U2AF2: variants seen among roughly 807,000 people sequenced by gnomAD.
U2AF2 encodes splicing factor U2AF 65 kDa subunit.
In U2AF2, 6 loss-of-function variants were observed where a neutral mutation model predicts 52.6. That is an observed-to-expected ratio of 0.11 (90% confidence interval 0.06 to 0.23). The LOEUF (loss-of-function observed/expected upper bound fraction) is 0.23. U2AF2 is among the 10% of genes least tolerant of loss of function. The pLI is 1.00. For missense variants in U2AF2, 222 were observed against 677.1 expected (o/e 0.33, Z 7.46); for synonymous variants, 284 against 258.2 (o/e 1.10, Z -0.96).
chr19:55,655,286 C>G (rs947537321), intron 1 of U2AF2, 133 bp downstream of exon 1: 80 of 997,640 alleles, frequency 8.0e-5, no homozygotes, highest in Non-Finnish European at 1.0e-4. Context: ...TTCCGTGGCG[C>G]GCGCCTCGTT....
rs754093734 is a variant in U2AF2 at position 55,668,598 on chromosome 19, G to C, written c.822+12G>C. ...TGAACGATGACCAGGTAACTTCCCT[G>C]CCTCCCTCCAGACCCGTCCCCCCAC... On this transcript the variant is annotated intron_variant, in intron 8 of 11. Transcript: ENST00000308924. The surrounding 1 kb of genome is among the most constrained non-coding windows in gnomAD (Gnocchi z 5.5). 2 of 1,604,584 alleles carry C rather than the reference G, an allele frequency of 1.2e-6. No homozygotes were observed. Among genetic ancestry groups the C allele is most frequent in the Non-Finnish European group, 1.7e-6 (2 of 1,174,474 alleles).
At chr19:55,669,344 T>C (rs936688467) in intron 10 of U2AF2, 100 bp from the exon 11 acceptor site, 4 of 1,542,616 alleles carry the variant, frequency 2.6e-6, no homozygotes, top group Non-Finnish European at 3.5e-6. Flanking sequence ...AGTGGAGAGA[T>C]GGCCTTTCCC....
chr19:55,657,291 C>T (rs1227789674), intron 1 of U2AF2, among the ~76,000 whole-genome samples: 2 of 152,200 alleles, frequency 1.3e-5, no homozygotes, highest in African/African-American at 2.4e-5. Context: ...TTTTACCTGT[C>T]CAGCATCAGT....
Position 55,659,361 on chromosome 19 carries a change from G to GA in U2AF2, c.185+17dup, listed in dbSNP as rs758404564. On this transcript the variant is annotated intron_variant, in intron 2 of 11. Coordinates refer to ENST00000308924, the MANE Select transcript of U2AF2 (RefSeq NM_007279.3). ...GACGACGCAGGTACTAGGGCTCAGG[G>GA]ATCCCCTGGGCCAGCCTGGGAGTCG... 4.1e-6 allele frequency: 6 copies of GA among 1,480,308 alleles called. No homozygotes were observed. The highest frequency in any genetic ancestry group is 1.3e-5 in the South Asian group (1 of 76,738). 91.7% of individuals were successfully genotyped at this position (1,480,308 alleles called of 1,614,324 possible).
chr19:55,668,632 A>G lies in U2AF2; in HGVS notation c.823-38A>G, dbSNP rs768329713. 8 of 875,064 alleles carry G rather than the reference A, an allele frequency of 9.1e-6. No individual in the cohort carries two copies. The Admixed American group carries it at 2.0e-4, about 22-fold the overall frequency. 54.2% of individuals were successfully genotyped at this position (875,064 alleles called of 1,614,324 possible). On this transcript the variant is annotated intron_variant, in intron 8 of 11. Coordinates refer to ENST00000308924, the MANE Select transcript of U2AF2 (RefSeq NM_007279.3). This position sits in a 1 kb window ranked among gnomAD's most constrained non-coding sequence, Gnocchi z 5.5. ...CAGACCCGTCCCCCCACCCCGCCCC[A>G]CCTCATCCCAGCCCTGATGGACTCT...
At chr19:55,660,927 G>C in intron 4 of U2AF2, 111 bp from the exon 5 acceptor site, 1 of 1,474,868 alleles carries the variant, frequency 6.8e-7, no homozygotes, top group Non-Finnish European at 9.0e-7. Context: ...TGCTAAGACC[G>C]AGAGCCTGTA....
chr19:55,663,564 C>T (rs370231212), intron 6 of U2AF2, 42 bp from the exon 7 acceptor site: 4 of 1,603,956 alleles, frequency 2.5e-6, no homozygotes, highest in African/African-American at 2.7e-5. Context: ...CTGTACTAGT[C>T]CCTGACCCCC....
chr19:55,659,090 A>G (rs1221716889), intron 1 of U2AF2, 120 bp from the exon 2 acceptor site: 2 of 1,345,688 alleles, frequency 1.5e-6, no homozygotes, highest in East Asian at 5.9e-5. Flanking sequence ...CCTCCATTGA[A>G]TCCCTTCCCT....
intron 1 of U2AF2, chr19:55,658,975 T>G: frequency 2.0e-6 from 1 of 490,216 alleles, no homozygotes; most frequent in Non-Finnish European, 3.2e-6. Context: ...CTCCTGAGCA[T>G]CCTCAGGTAT....
At position 55,660,578 on chromosome 19, in the gene U2AF2, G is replaced by C. The variant is rs1568549613; in HGVS notation, c.293G>C (p.Gly98Ala). The C allele has an allele frequency of 6.3e-7, 1 of 1,597,862 alleles. No homozygotes were observed. The highest frequency in any genetic ancestry group is 8.5e-7 in the Non-Finnish European group (1 of 1,170,830). ...AAATACTGGGACGTGCCACCCCCAGGCTTTGAGCACATCACCCCAATGCAG... is the reference window on the plus strand; with the variant it reads ...AAATACTGGGACGTGCCACCCCCAGCCTTTGAGCACATCACCCCAATGCAG... ...VRKYWDVPPP[G>A]FEHITPMQYK... is the part of the protein sequence containing the mutation. The change falls in exon 4 of 12, where the codon GGC becomes GCC. Residue 98 changes from glycine to alanine, a missense_variant. Coordinates refer to ENST00000308924, the MANE Select transcript of U2AF2 (RefSeq NM_007279.3).
intron 3 of U2AF2, 114 bp from the exon 4 acceptor site, chr19:55,660,402 T>A: frequency 9.2e-7 from 1 of 1,092,130 alleles, no homozygotes; most frequent in South Asian, 1.5e-5. Context: ...CTGGAGAGAG[T>A]GGAGCTTACA....
In U2AF2 at chr19:55,669,642, A is replaced by G. The variant is rs1297769347; in HGVS notation, c.1243A>G (p.Ile415Val). ...CAGCAAGTACGGGCTTGTCAAGTCC[A>G]TCGAGATCCCCCGGCCTGTGGACGG... ...ECSKYGLVKS[I>V]EIPRPVDGVE... The change falls in exon 11 of 12, where the codon ATC (isoleucine) becomes GTC (valine). Residue 415 changes from isoleucine to valine, a missense_variant. Transcript: ENST00000308924. 6.2e-7 allele frequency: 1 copy of G among 1,612,878 alleles called. No homozygotes were observed. Among genetic ancestry groups the G allele is most frequent in the Non-Finnish European group, 8.5e-7 (1 of 1,179,794 alleles).
chr19:55,655,104 C>G lies in U2AF2; in HGVS notation c.-1C>G, dbSNP rs1218022649. On this transcript the variant is annotated 5_prime_UTR_variant, in exon 1 of 12. Transcript: ENST00000308924. ...ACAGGGCCCTACGCGGCCGCCTCAG[C>G]ATGTCGGACTTCGACGAGTTCGAGC... 6.2e-7 allele frequency: 1 copy of G among 1,606,416 alleles called. No individual in the cohort carries two copies. The highest frequency in any genetic ancestry group is 1.4e-5 in the African/African-American group (1 of 73,328).
At chr19:55,670,743 C>T (rs530972240) in intron 11 of U2AF2, 1 of 192,152 alleles carries the variant, frequency 5.2e-6, no homozygotes, top group South Asian at 7.8e-5. Context: ...TATTTTGAGC[C>T]AGATGGGAGG....
intron 2 of U2AF2, among the ~76,000 whole-genome samples, chr19:55,659,959 TCCTGGCC>T (rs1285483757): frequency 1.3e-5 from 2 of 152,174 alleles, no homozygotes; most frequent in Admixed American, 6.5e-5. Context: ...GACTGGTCCT[TCCTGGCC>T]CCTGGCCCCT....
At chr19:55,659,044 C>T (rs902865150) in intron 1 of U2AF2, 166 bp from the exon 2 acceptor site, 2 of 1,143,592 alleles carry the variant, frequency 1.7e-6, no homozygotes, top group South Asian at 5.5e-5. Context: ...GGTCCCTGGA[C>T]TCGCTTGTGG....
intron 11 of U2AF2, among the ~76,000 whole-genome samples, chr19:55,672,841 C>T (rs1985006798): frequency 1.3e-5 from 2 of 151,042 alleles, no homozygotes; most frequent in African/African-American, 4.9e-5. Flanking sequence ...GACAGGGTTT[C>T]ACCGTGTTAG....
At chr19:55,661,232 A>C (rs1600073781) in intron 5 of U2AF2, 43 bp downstream of exon 5, 2 of 1,449,912 alleles carry the variant, frequency 1.4e-6, no homozygotes, top group Non-Finnish European at 9.1e-7. Flanking sequence ...TTGTCCCTCT[A>C]CCCCGTTCCT....
chr19:55,662,654 G>T (rs1282538453), intron 6 of U2AF2, 36 bp downstream of exon 6: 60 of 1,580,646 alleles, frequency 3.8e-5, no homozygotes, highest in Non-Finnish European at 5.1e-5. Context: ...CAGGAAACGT[G>T]TGTGATGTGA....
Sources: allele counts gnomAD v4.1 joint callset (sites outside exome capture counted in the v4.1 genomes callset), GRCh38; gene constraint gnomAD v4.1.1; non-coding constraint Gnocchi (gnomAD v3.1); transcripts MANE v1.5; gene names NCBI Gene and HGNC (gene_info 2026-07-23, HGNC 2026-07-21).